Variants in FBXO4 observed in about 807,000 individuals in gnomAD.
The protein encoded by FBXO4 is F-box protein 4.
In FBXO4, 36 loss-of-function variants were observed where a neutral mutation model predicts 43.7. That is an observed-to-expected ratio of 0.82 (90% CI 0.63 to 1.09). The LOEUF is 1.09. Among genes scored for constraint, FBXO4 ranks in the 50% least tolerant of loss-of-function variants. The pLI is 0.00. For missense variants in FBXO4, 435 were observed against 474.1 expected (o/e 0.92, Z 0.77); for synonymous variants, 180 against 165.6 (o/e 1.09, Z -0.67).
chr5:41,996,483 C>T, the FBXO4 span, among the ~76,000 whole-genome samples: 3 of 152,330 alleles, frequency 2.0e-5, no homozygotes, highest in African/African-American at 7.2e-5. Context: ...CAAACAGCAT[C>T]TCTATTTGCC....
the FBXO4 span, among the ~76,000 whole-genome samples, chr5:41,948,855 C>T: frequency 6.6e-6 from 1 of 152,112 alleles, no homozygotes; most frequent in Non-Finnish European, 1.5e-5. Context: ...CTCCAAAAAG[C>T]TTATCCACAA....
the FBXO4 span, among the ~76,000 whole-genome samples, chr5:41,999,394 A>G: frequency 4.9e-5 from 7 of 143,934 alleles, no homozygotes; most frequent in African/African-American, 1.8e-4. Flanking sequence ...TGGGTGATAT[A>G]TATATATTTA....
intron 3 of FBXO4, among the ~76,000 whole-genome samples, chr5:41,931,848 A>G (rs1751697425): frequency 1.3e-5 from 2 of 152,218 alleles, no homozygotes; most frequent in South Asian, 4.1e-4. Flanking sequence ...TAATAACGAC[A>G]AAGAAGGAAA....
chr5:41,935,584 G>T (rs1751828876), intron 5 of FBXO4, among the ~76,000 whole-genome samples: 1 of 152,210 alleles, frequency 6.6e-6, no homozygotes, highest in South Asian at 2.1e-4. Flanking sequence ...TGGAGGAGAG[G>T]CAGGAAATTT....
At chr5:41,963,658 T>G in the FBXO4 span, among the ~76,000 whole-genome samples, 3 of 152,228 alleles carry the variant, frequency 2.0e-5, no homozygotes, top group Admixed American at 2.0e-4. Flanking sequence ...ATATATTTAC[T>G]ATCCATTAAG....
At chr5:42,001,173 A>G in the FBXO4 span, among the ~76,000 whole-genome samples, 1 of 152,210 alleles carries the variant, frequency 6.6e-6, no homozygotes, top group East Asian at 1.9e-4. Flanking sequence ...GGTAGTATGA[A>G]AATTTTAACA....
At position 41,929,857 on chromosome 5, in the gene FBXO4, A is replaced by G. The variant is rs781091527; in HGVS notation, c.586A>G (p.Ser196Gly). 6 of 1,614,016 alleles carry G rather than the reference A, an allele frequency of 3.7e-6. No homozygotes were observed. In the African/African-American group the frequency reaches 6.7e-5, roughly 18 times the overall value. The change falls in exon 3 of 7, where the codon AGC becomes GGC. Residue 196 changes from serine to glycine, a missense_variant. By Grantham distance (56) the Ser-to-Gly change is moderately conservative (BLOSUM62 0). Coordinates refer to ENST00000281623, the MANE Select transcript of FBXO4 (RefSeq NM_012176.3). ...AGAATTGAATACCTCTTTGGTGTTG[A>G]GCTTGATGTCTTCAGAGGAACTTTG... is the stretch of plus-strand genomic sequence containing the variant. ...LEELNTSLVLSLMSSEELCPT... is the reference protein window; with the variant it reads ...LEELNTSLVLGLMSSEELCPT...
the FBXO4 span, among the ~76,000 whole-genome samples, chr5:41,990,025 T>C: frequency 6.6e-6 from 1 of 152,180 alleles, no homozygotes. Flanking sequence ...GATTTAGACC[T>C]GGGGTGCATC....
chr5:42,018,335 A>G, the FBXO4 span, among the ~76,000 whole-genome samples: 279 of 152,112 alleles, frequency 1.8e-3, 4 homozygotes, highest in Admixed American at 0.015. Context: ...CTAATGTCAA[A>G]ACCAGTCATG....
At position 41,936,804 on chromosome 5, in the gene FBXO4, G is replaced by A. The variant is rs905428955; in HGVS notation, c.898+2496G>A. 4.6e-5 allele frequency among the ~76,000 whole-genome samples: 7 copies of A among 152,144 alleles called. 1 individual carries two copies. In the East Asian group the frequency reaches 1.2e-3, roughly 25 times the overall value. Reference sequence around the variant, plus strand: ...AGTAAGAGCAAGGAACAGAGTGAGAGTTGGGGGAATCTATCCAGTGATCTA... The same window carrying A: ...AGTAAGAGCAAGGAACAGAGTGAGAATTGGGGGAATCTATCCAGTGATCTA... On this transcript the variant is annotated intron_variant, in intron 5 of 6. Coordinates refer to ENST00000281623, the MANE Select transcript of FBXO4 (RefSeq NM_012176.3).
chr5:42,039,895 T>C, the FBXO4 span, among the ~76,000 whole-genome samples: 1 of 152,096 alleles, frequency 6.6e-6, no homozygotes, highest in African/African-American at 2.4e-5. Flanking sequence ...CTACAGAGAA[T>C]CTTTTCTTCT....
At chr5:42,017,329 C>A in the FBXO4 span, among the ~76,000 whole-genome samples, 1 of 151,912 alleles carries the variant, frequency 6.6e-6, no homozygotes, top group Admixed American at 6.6e-5. Flanking sequence ...AACCAAAAAT[C>A]ATTACATGGA....
At chr5:42,033,877 G>A in the FBXO4 span, among the ~76,000 whole-genome samples, 1 of 152,192 alleles carries the variant, frequency 6.6e-6, no homozygotes. Context: ...TATATACCTA[G>A]TAATGGGATT....
At chr5:41,948,425 G>A in the FBXO4 span, among the ~76,000 whole-genome samples, 4 of 152,120 alleles carry the variant, frequency 2.6e-5, no homozygotes, top group Admixed American at 6.5e-5. Flanking sequence ...GTGACCCACC[G>A]CGCCTGGCCA....
chr5:41,936,864 A>G (rs1181860080), intron 5 of FBXO4, among the ~76,000 whole-genome samples: 1 of 152,184 alleles, frequency 6.6e-6, no homozygotes, highest in African/African-American at 2.4e-5. Flanking sequence ...AAAGGGACAA[A>G]TAGTAAATAT....
chr5:41,979,018 G>A, the FBXO4 span, among the ~76,000 whole-genome samples: 1 of 152,126 alleles, frequency 6.6e-6, no homozygotes, highest in Non-Finnish European at 1.5e-5. Flanking sequence ...AATTTTTTCA[G>A]CCTTGTAGAC....
chr5:41,970,199 A>T, the FBXO4 span, among the ~76,000 whole-genome samples: 1 of 152,100 alleles, frequency 6.6e-6, no homozygotes, highest in African/African-American at 2.4e-5. Context: ...TTACAGCAGT[A>T]GATATCTGAT....
At chr5:41,940,455 T>TTTCA (rs953128816) in intron 6 of FBXO4, among the ~76,000 whole-genome samples, 1 of 151,904 alleles carries the variant, frequency 6.6e-6, no homozygotes, top group African/African-American at 2.4e-5. Context: ...AGAGACAGGG[T>TTTCA]TTCACCATGT....
the FBXO4 span, among the ~76,000 whole-genome samples, chr5:41,978,762 C>T: frequency 4.6e-4 from 70 of 152,188 alleles, no homozygotes; most frequent in South Asian, 9.5e-3. Flanking sequence ...AACTTAAGCT[C>T]AAGTCTTTTA....
Sources: allele counts gnomAD v4.1 joint callset (sites outside exome capture counted in the v4.1 genomes callset), GRCh38; gene constraint gnomAD v4.1.1; transcripts MANE v1.5; gene names NCBI Gene and HGNC (gene_info 2026-07-23, HGNC 2026-07-21).